PRELID2: variants seen among roughly 807,000 people sequenced by gnomAD.
PRELID2 encodes PRELI domain containing 2, also known as PRELI domain-containing protein 2.
PRELID2 carries 25 observed loss-of-function variants against 28.4 expected under a neutral mutation model. The ratio of observed to expected loss-of-function variants is 0.88; its 90% CI spans 0.64 to 1.23. The LOEUF (loss-of-function observed/expected upper bound fraction) is 1.23, where lower values mean the gene tolerates loss of function less well. Ranked by LOEUF, PRELID2 falls within the 50% of genes most tolerant of loss-of-function variation. The pLI, the probability that PRELID2 is intolerant of heterozygous loss-of-function variation, is 0.00. For missense variants in PRELID2, 201 were observed against 214.4 expected (o/e 0.94, Z 0.39); for synonymous variants, 76 against 71.6 (o/e 1.06, Z -0.31).
At chr5:145,667,699 C>T (rs997024762) in intron 1 of PRELID2, among the ~76,000 whole-genome samples, 4 of 152,054 alleles carry the variant, frequency 2.6e-5, no homozygotes, top group Non-Finnish European at 5.9e-5. Flanking sequence ...TACCTGCTAA[C>T]CAGTCACTTA....
intron 1 of PRELID2, among the ~76,000 whole-genome samples, chr5:145,654,802 G>A (rs1390750087): frequency 6.6e-6 from 1 of 152,094 alleles, no homozygotes; most frequent in Admixed American, 6.6e-5. Context: ...ATACTGAATG[G>A]GCAAAAACTG....
chr5:145,425,753 T>C, the PRELID2 span, among the ~76,000 whole-genome samples: 198 of 152,224 alleles, frequency 1.3e-3, no homozygotes, highest in African/African-American at 4.5e-3. Flanking sequence ...TGGGGCCTGT[T>C]GTGGGTTGTT....
the PRELID2 span, among the ~76,000 whole-genome samples, chr5:145,432,031 A>G: frequency 2.0e-5 from 3 of 152,156 alleles, no homozygotes; most frequent in Non-Finnish European, 2.9e-5. Context: ...CATATCTGAC[A>G]TATTATTATT....
At chr5:145,735,244 CAAAA>C (rs112613176) in intron 1 of PRELID2, among the ~76,000 whole-genome samples, 1 of 88,496 alleles carries the variant, frequency 1.1e-5, no homozygotes, top group Non-Finnish European at 2.6e-5. Context: ...GTCTCCATCT[CAAAA>C]AAAAAAAAAA....
intron 1 of PRELID2, among the ~76,000 whole-genome samples, chr5:145,643,554 A>G (rs1261553881): frequency 6.6e-6 from 1 of 152,198 alleles, no homozygotes; most frequent in African/African-American, 2.4e-5. Context: ...AATATGTTCA[A>G]TAGGAGTGGT....
At chr5:145,378,239 T>C in the PRELID2 span, among the ~76,000 whole-genome samples, 1 of 152,146 alleles carries the variant, frequency 6.6e-6, no homozygotes, top group Non-Finnish European at 1.5e-5. Flanking sequence ...CATTTCAACC[T>C]CAGAAAATTT....
intron 5 of PRELID2, among the ~76,000 whole-genome samples, chr5:145,774,227 A>T (rs1007330306): frequency 3.3e-5 from 5 of 152,200 alleles, no homozygotes; most frequent in African/African-American, 1.2e-4. Flanking sequence ...TTTCCAGGTA[A>T]GAAAACTCAG....
intron 5 of PRELID2, among the ~76,000 whole-genome samples, chr5:145,783,938 A>G (rs1751811407): frequency 6.6e-6 from 1 of 152,324 alleles, no homozygotes; most frequent in East Asian, 1.9e-4. Flanking sequence ...GTTCACAGAT[A>G]AAGAATTGAG....
rs74376688 is a variant in PRELID2, at chr5:145,723,803, T to C, written n.70+41128A>G. Among the ~76,000 whole-genome samples the C allele has an allele frequency of 4.5e-3, 687 of 152,310 alleles. 4 individuals are homozygous for C. The highest frequency in any genetic ancestry group is 0.016 in the African/African-American group (660 of 41,574). ...ATTTGGCAATCTCTAACAAATTGTATGTGCATTTTTCTTACAACTCAGCAA... is the reference window on the plus strand; with the variant it reads ...ATTTGGCAATCTCTAACAAATTGTACGTGCATTTTTCTTACAACTCAGCAA... On this transcript the variant is annotated intron_variant and non_coding_transcript_variant, in intron 1 of 2. Transcript: ENST00000510259.
At chr5:145,797,111 C>A (rs76210728) in intron 4 of PRELID2, among the ~76,000 whole-genome samples, 6,103 of 152,026 alleles carry the variant, frequency 0.04, 386 homozygotes, top group African/African-American at 0.14. Context: ...ATTTTCATTA[C>A]CAAAATTATA....
At chr5:145,657,974 T>C (rs961774099) in intron 1 of PRELID2, among the ~76,000 whole-genome samples, 2 of 152,208 alleles carry the variant, frequency 1.3e-5, no homozygotes, top group Non-Finnish European at 2.9e-5. Context: ...CTACGAGTCA[T>C]ATAAATAACA....
chr5:145,483,099 T>A (rs1752177833), intron 1 of PRELID2, among the ~76,000 whole-genome samples: 1 of 152,116 alleles, frequency 6.6e-6, no homozygotes. Context: ...TTTTATAGAC[T>A]GAAGTTGTAG....
intron 1 of PRELID2, among the ~76,000 whole-genome samples, chr5:145,554,755 C>A (rs1037856163): frequency 1.3e-5 from 2 of 152,304 alleles, no homozygotes; most frequent in South Asian, 4.1e-4. Context: ...TTTTCAAGAA[C>A]TTTTCCTCTA....
the PRELID2 span, among the ~76,000 whole-genome samples, chr5:145,439,891 C>A: frequency 6.6e-6 from 1 of 152,032 alleles, no homozygotes; most frequent in African/African-American, 2.4e-5. Context: ...CAAAACAAAA[C>A]AAACACAACA....
the PRELID2 span, among the ~76,000 whole-genome samples, chr5:145,425,830 G>T: frequency 4.6e-5 from 7 of 151,866 alleles, no homozygotes; most frequent in South Asian, 6.2e-4. Context: ...GCACATATAT[G>T]CCTGAACTTA....
At chr5:145,346,894 A>G in the PRELID2 span, among the ~76,000 whole-genome samples, 1 of 152,162 alleles carries the variant, frequency 6.6e-6, no homozygotes, top group Non-Finnish European at 1.5e-5. Context: ...TTGAAAGCAA[A>G]TAAATTAACT....
the PRELID2 span, among the ~76,000 whole-genome samples, chr5:145,284,020 C>A: frequency 6.6e-6 from 1 of 152,068 alleles, no homozygotes; most frequent in African/African-American, 2.4e-5. Context: ...TCAAAGAGAT[C>A]TTGGTTTAAA....
intron 5 of PRELID2, among the ~76,000 whole-genome samples, chr5:145,792,555 A>C (rs1050788062): frequency 6.6e-6 from 1 of 152,160 alleles, no homozygotes; most frequent in Non-Finnish European, 1.5e-5. Flanking sequence ...CCCAGAAGTA[A>C]AGCTACTTAA....
At chr5:145,430,128 T>C in the PRELID2 span, among the ~76,000 whole-genome samples, 2 of 152,212 alleles carry the variant, frequency 1.3e-5, no homozygotes, top group East Asian at 1.9e-4. Context: ...AAGTAATAGT[T>C]AATTAATCCA....
Sources: allele counts gnomAD v4.1 joint callset (sites outside exome capture counted in the v4.1 genomes callset), GRCh38; gene constraint gnomAD v4.1.1; transcripts MANE v1.5; gene names NCBI Gene and HGNC (gene_info 2026-07-23, HGNC 2026-07-21).